Variants in GMPS observed in about 807,000 individuals in gnomAD.
GMPS encodes GMP synthase [glutamine-hydrolyzing].
In GMPS, 15 loss-of-function variants were observed where a neutral mutation model predicts 77.9. That is an observed-to-expected ratio of 0.19 (90% CI 0.13 to 0.30). GMPS has a LOEUF of 0.30. Among genes scored for constraint, GMPS ranks in the 10% least tolerant of loss-of-function variants. GMPS has a pLI of 1.00. For missense variants in GMPS, 590 were observed against 838.8 expected (o/e 0.70, Z 3.66); for synonymous variants, 224 against 275.9 (o/e 0.81, Z 1.86).
chr3:155,899,271 G>C (rs1754674375), intron 3 of GMPS, among the ~76,000 whole-genome samples: 1 of 152,116 alleles, frequency 6.6e-6, no homozygotes, highest in Non-Finnish European at 1.5e-5. Flanking sequence ...GGGAGGCTGA[G>C]GCAGGAGAAT....
chr3:155,906,632 G>T (rs921758703), intron 5 of GMPS, among the ~76,000 whole-genome samples: 15 of 152,214 alleles, frequency 9.9e-5, no homozygotes, highest in Admixed American at 2.6e-4. Context: ...TTTCTTAGGT[G>T]TACATAGCCC....
chr3:155,941,396 CAGTCTCA>C lies in GMPS; in HGVS notation c.*3706_*3712del. ...TCCGGCCTGGTGAAAGAGCGAGACT[CAGTCTCA>C]AAAAAAAAAAAAAAAGGAAGTTCTT... On this transcript the variant is annotated 3_prime_UTR_variant, in exon 16 of 16. Transcript: ENST00000496455. 1.7e-5 allele frequency: 2 copies of C among 117,394 alleles called. No individual in the cohort carries two copies. Among genetic ancestry groups the C allele is most frequent in the African/African-American group, 5.3e-5 (1 of 18,888 alleles). The allele number at this position is 117,394 out of a possible 1,614,324, so 7.3% of individuals were successfully genotyped here.
chr3:155,874,720 C>A (rs1036745208), intron 1 of GMPS, among the ~76,000 whole-genome samples: 1 of 151,902 alleles, frequency 6.6e-6, no homozygotes, highest in African/African-American at 2.4e-5. Context: ...GAAAATAATT[C>A]AGTCTTTTAA....
Position 155,893,641 on chromosome 3 carries a change from C to A in GMPS, c.151C>A (p.Gln51Lys). ...CCGAAGAGTGAGGGAACTGTTCGTG[C>A]AGTCTGAAATTTTCCCCTTGGAAAC... ...IDRRVRELFV[Q>K]SEIFPLETPA... The change falls in exon 2 of 16, where the codon CAG becomes AAG. Residue 51 changes from glutamine (Q) to lysine (K), a missense_variant. Coordinates refer to ENST00000496455, the MANE Select transcript of GMPS (RefSeq NM_003875.3). 1 of 1,611,762 alleles carries A rather than the reference C, an allele frequency of 6.2e-7. No individual in the cohort carries two copies. Among genetic ancestry groups the A allele is most frequent in the Non-Finnish European group, 8.5e-7 (1 of 1,178,096 alleles).
At chr3:155,907,412 T>C (rs2108096641) in intron 5 of GMPS, among the ~76,000 whole-genome samples, 1 of 152,148 alleles carries the variant, frequency 6.6e-6, no homozygotes, top group Non-Finnish European at 1.5e-5. Context: ...TGAGACCCCA[T>C]CTCTACATAA....
At chr3:155,906,404 G>A (rs2108094997) in intron 5 of GMPS, 141 bp downstream of exon 5, 2 of 530,548 alleles carry the variant, frequency 3.8e-6, no homozygotes, top group East Asian at 3.0e-5. Context: ...AATAATGAAT[G>A]TAGGATTAAC....
At chr3:155,908,890 CAG>C (rs1170485211) in intron 5 of GMPS, among the ~76,000 whole-genome samples, 3 of 151,996 alleles carry the variant, frequency 2.0e-5, no homozygotes, top group Non-Finnish European at 4.4e-5. Context: ...AGCATACAGA[CAG>C]AATTTTAAGG....
chr3:155,907,716 G>A (rs1754929149), intron 5 of GMPS, among the ~76,000 whole-genome samples: 1 of 152,200 alleles, frequency 6.6e-6, no homozygotes, highest in Admixed American at 6.5e-5. Flanking sequence ...TGAAAAAATG[G>A]GGGAAGAGGG....
At chr3:155,878,109 C>T (rs1387670268) in intron 1 of GMPS, among the ~76,000 whole-genome samples, 4 of 152,106 alleles carry the variant, frequency 2.6e-5, no homozygotes, top group Admixed American at 6.5e-5. Context: ...TAATCCTATC[C>T]GTGTGGGCTC....
chr3:155,910,375 C>T (rs971023238), intron 5 of GMPS, among the ~76,000 whole-genome samples: 2 of 151,988 alleles, frequency 1.3e-5, no homozygotes, highest in African/African-American at 4.8e-5. Flanking sequence ...TTGAGGCCAC[C>T]AGGCCAACAT....
intron 7 of GMPS, among the ~76,000 whole-genome samples, 189 bp downstream of exon 7, chr3:155,911,468 A>G (rs182589929): frequency 3.9e-5 from 6 of 152,340 alleles, no homozygotes; most frequent in African/African-American, 1.2e-4. Context: ...TGATTCTGCT[A>G]ATTTAATACA....
At chr3:155,911,953 A>G (rs1184375909) in intron 7 of GMPS, among the ~76,000 whole-genome samples, 4 of 152,070 alleles carry the variant, frequency 2.6e-5, no homozygotes, top group Non-Finnish European at 4.4e-5. Context: ...CAAACAGAAA[A>G]GCTTATTGTG....
chr3:155,891,212 A>C (rs148674854), intron 1 of GMPS, among the ~76,000 whole-genome samples: 3,137 of 152,318 alleles, frequency 0.021, 49 homozygotes, highest in Non-Finnish European at 0.029. Flanking sequence ...ATGGTAATTG[A>C]AATTTGTGCA....
At chr3:155,896,751 T>TAA (rs1553784677) in intron 2 of GMPS, among the ~76,000 whole-genome samples, 25 of 125,918 alleles carry the variant, frequency 2.0e-4, no homozygotes, top group Non-Finnish European at 3.3e-4. Context: ...TTTTTTTTTT[T>TAA]TATAAATTTG....
chr3:155,878,764 C>T (rs1253070375), intron 1 of GMPS, among the ~76,000 whole-genome samples: 2 of 152,238 alleles, frequency 1.3e-5, no homozygotes, highest in African/African-American at 4.8e-5. Flanking sequence ...AGAAGTCCCA[C>T]GATAGACTGT....
intron 14 of GMPS, among the ~76,000 whole-genome samples, chr3:155,935,525 A>G (rs934016835): frequency 6.6e-6 from 1 of 152,162 alleles, no homozygotes; most frequent in Non-Finnish European, 1.5e-5. Flanking sequence ...TAAATAAAAT[A>G]TATTCCCCTT....
rs554328077 is a variant in GMPS, at chr3:155,904,036, G to A, written c.422+76G>A. On this transcript the variant is annotated intron_variant, in intron 4 of 15. Coordinates refer to ENST00000496455, the MANE Select transcript of GMPS (RefSeq NM_003875.3). ...TTGATACTATTATTTTTAACAATTG[G>A]AGATTCTATAATTCATAAACAAAAT... 75 of 635,598 alleles carry A rather than the reference G, an allele frequency of 1.2e-4. 1 individual carries two copies. In the Middle Eastern group the frequency reaches 1.8e-3, roughly 15 times the overall value. The allele number at this position is 635,598 out of a possible 1,614,324, so 39.4% of individuals were successfully genotyped here. A position where few individuals can be genotyped will look rare whatever the true frequency, so the allele number is the denominator to read the frequency against.
intron 13 of GMPS, among the ~76,000 whole-genome samples, chr3:155,934,482 C>G (rs1755709721): frequency 1.3e-5 from 2 of 152,276 alleles, no homozygotes; most frequent in Middle Eastern, 3.4e-3. Context: ...AATTTCCCAG[C>G]ACTTGGAAGG....
intron 10 of GMPS, among the ~76,000 whole-genome samples, chr3:155,920,590 GAAAA>G (rs889414615): frequency 8.7e-6 from 1 of 115,246 alleles, no homozygotes; most frequent in Non-Finnish European, 1.8e-5. Context: ...AAAAAAAAAA[GAAAA>G]AAAAAAAAGA....
Sources: allele counts gnomAD v4.1 joint callset (sites outside exome capture counted in the v4.1 genomes callset), GRCh38; gene constraint gnomAD v4.1.1; transcripts MANE v1.5; gene names NCBI Gene and HGNC (gene_info 2026-07-23, HGNC 2026-07-21).